LRRTM4: variants seen among roughly 807,000 people sequenced by gnomAD.
The protein encoded by LRRTM4 is leucine rich repeat transmembrane neuronal 4, also known as leucine-rich repeat transmembrane neuronal protein 4.
LRRTM4 carries 25 observed loss-of-function variants against 47.6 expected under a neutral mutation model. The observed-to-expected ratio is 0.53, with a 90% CI of 0.38 to 0.73. The LOEUF (loss-of-function observed/expected upper bound fraction) is 0.73. Among genes scored for constraint, LRRTM4 ranks in the 30% least tolerant of loss-of-function variants. The pLI, the probability that LRRTM4 is intolerant of heterozygous loss-of-function variation, is 0.00. For synonymous variants in LRRTM4, 311 were observed against 269.5 expected, an observed-to-expected ratio of 1.15 and a Z score of -1.51; for missense variants, 638 against 713.4, an observed-to-expected ratio of 0.89 and a Z score of 1.20.
chr2:77,202,829 C>T (rs1674014449), intron 3 of LRRTM4, among the ~76,000 whole-genome samples: 1 of 152,070 alleles, frequency 6.6e-6, no homozygotes, highest in South Asian at 2.1e-4. Context: ...ACCAGTTCTT[C>T]AAAATTGGAG....
chr2:76,989,466 G>T (rs2103987882), intron 3 of LRRTM4, among the ~76,000 whole-genome samples: 1 of 151,970 alleles, frequency 6.6e-6, no homozygotes, highest in African/African-American at 2.4e-5. Flanking sequence ...CATAAACAAA[G>T]ATTGCATATG....
intron 3 of LRRTM4, among the ~76,000 whole-genome samples, chr2:77,249,232 C>T (rs978845523): frequency 2.0e-5 from 3 of 151,852 alleles, no homozygotes; most frequent in Admixed American, 6.6e-5. Flanking sequence ...TGCCTGTAAT[C>T]CCAGCTACTC....
intron 3 of LRRTM4, among the ~76,000 whole-genome samples, chr2:76,839,315 C>T (rs1232802739): frequency 1.3e-5 from 2 of 152,062 alleles, no homozygotes; most frequent in Non-Finnish European, 2.9e-5. Context: ...CACAGTTCTA[C>T]TCAGGTGTCA....
chr2:77,247,569 A>G (rs1675481550), intron 3 of LRRTM4, among the ~76,000 whole-genome samples: 1 of 152,080 alleles, frequency 6.6e-6, no homozygotes, highest in South Asian at 2.1e-4. Flanking sequence ...AAGATACTGT[A>G]CCTGAAAGTT....
chr2:76,912,592 A>G (rs1674107257), intron 3 of LRRTM4, among the ~76,000 whole-genome samples: 1 of 152,202 alleles, frequency 6.6e-6, no homozygotes, highest in Admixed American at 6.5e-5. Context: ...TGCAGCCAAA[A>G]AAATTGATAT....
chr2:76,957,375 G>A (rs150279388), intron 3 of LRRTM4, among the ~76,000 whole-genome samples: 2 of 151,636 alleles, frequency 1.3e-5, no homozygotes, highest in Non-Finnish European at 3.0e-5. Flanking sequence ...TACTGTACAC[G>A]TATGTTAAAA....
intron 3 of LRRTM4, among the ~76,000 whole-genome samples, chr2:77,097,580 A>G (rs1285993097): frequency 6.6e-6 from 1 of 152,046 alleles, no homozygotes; most frequent in Non-Finnish European, 1.5e-5. Flanking sequence ...AGTTAAAAAT[A>G]TGTTTCTAAA....
chr2:76,800,789 C>A (rs1479731370), intron 3 of LRRTM4, among the ~76,000 whole-genome samples: 2 of 139,350 alleles, frequency 1.4e-5, no homozygotes, highest in African/African-American at 5.5e-5. Context: ...AAAAAGTGGG[C>A]GAAGGACATG....
intron 3 of LRRTM4, among the ~76,000 whole-genome samples, chr2:77,018,969 C>G (rs935648420): frequency 6.6e-6 from 1 of 151,780 alleles, no homozygotes; most frequent in Non-Finnish European, 1.5e-5. Context: ...TTTCATTTAG[C>G]CCATTACTTC....
intron 3 of LRRTM4, among the ~76,000 whole-genome samples, chr2:77,123,039 G>C (rs1671559617): frequency 6.6e-6 from 1 of 151,518 alleles, no homozygotes; most frequent in Non-Finnish European, 1.5e-5. Flanking sequence ...AAATGATTAG[G>C]ATCAATTCAA....
At chr2:76,812,687 CTTTCTTTCT>C (rs1670770141) in intron 3 of LRRTM4, among the ~76,000 whole-genome samples, 1 of 150,110 alleles carries the variant, frequency 6.7e-6, no homozygotes, top group African/African-American at 2.5e-5. Flanking sequence ...TTCTTTCTTT[CTTTCTTTCT>C]TTTCTTTCTT....
intron 3 of LRRTM4, among the ~76,000 whole-genome samples, chr2:76,903,777 A>C (rs537403884): frequency 6.6e-6 from 1 of 152,276 alleles, no homozygotes; most frequent in Non-Finnish European, 1.5e-5. Context: ...GGTTACAAAT[A>C]ATATTTATAG....
At chr2:76,913,061 T>C (rs537254674) in intron 3 of LRRTM4, among the ~76,000 whole-genome samples, 5 of 152,354 alleles carry the variant, frequency 3.3e-5, no homozygotes, top group African/African-American at 1.2e-4. Flanking sequence ...GTTATCATTG[T>C]ATGATTTAAT....
chr2:77,310,451 T>C (rs1034113601), intron 3 of LRRTM4, among the ~76,000 whole-genome samples: 1 of 152,194 alleles, frequency 6.6e-6, no homozygotes, highest in African/African-American at 2.4e-5. Context: ...TGGACTCTTC[T>C]GTGTGTCTGT....
At chr2:77,140,185 G>T (rs1672079674) in intron 3 of LRRTM4, among the ~76,000 whole-genome samples, 1 of 152,054 alleles carries the variant, frequency 6.6e-6, no homozygotes, top group African/African-American at 2.4e-5. Flanking sequence ...TAAACCAAAA[G>T]AACAAAGCTG....
At chr2:77,159,428 G>A (rs919560886) in intron 3 of LRRTM4, among the ~76,000 whole-genome samples, 4 of 149,874 alleles carry the variant, frequency 2.7e-5, no homozygotes, top group African/African-American at 4.9e-5. Flanking sequence ...TGTAAATGAC[G>A]AATTAATGGG....
At chr2:76,883,454 C>T (rs910876437) in intron 3 of LRRTM4, among the ~76,000 whole-genome samples, 1 of 152,146 alleles carries the variant, frequency 6.6e-6, no homozygotes, top group Non-Finnish European at 1.5e-5. Context: ...CTCTTTAGAC[C>T]TCAGAGGAAT....
Position 76,748,642 on chromosome 2 carries a change from G to T in LRRTM4, c.*53C>A. Reference sequence around the variant, plus strand: ...GTGGACACCCATTCTCCTTTAAGATGAAGGCCCTCCCTCCCCCCCATGGAG... The same window carrying T: ...GTGGACACCCATTCTCCTTTAAGATTAAGGCCCTCCCTCCCCCCCATGGAG... On this transcript the variant is annotated 3_prime_UTR_variant, in exon 4 of 4. Transcript: ENST00000409884. 2 of 1,387,850 alleles carry T rather than the reference G, an allele frequency of 1.4e-6. No homozygotes were observed. The highest frequency in any genetic ancestry group is 1.2e-5 in the South Asian group (1 of 85,210). 86.0% of individuals were successfully genotyped at this position (1,387,850 alleles called of 1,614,324 possible). A position where few individuals can be genotyped will look rare whatever the true frequency, so the allele number is the denominator to read the frequency against.
At chr2:77,424,411 A>G (rs868474965) in intron 3 of LRRTM4, among the ~76,000 whole-genome samples, 2 of 146,720 alleles carry the variant, frequency 1.4e-5, no homozygotes, top group Non-Finnish European at 3.0e-5. Context: ...CAAGTTTTTC[A>G]TAATATACTC....
Sources: allele counts gnomAD v4.1 joint callset (sites outside exome capture counted in the v4.1 genomes callset), GRCh38; gene constraint gnomAD v4.1.1; transcripts MANE v1.5; gene names NCBI Gene and HGNC (gene_info 2026-07-23, HGNC 2026-07-21).